Variants in STS observed in about 807,000 individuals in gnomAD.
STS encodes steryl-sulfatase.
STS carries 7 observed loss-of-function variants against 26.8 expected under a neutral mutation model. The observed-to-expected ratio is 0.26, with a 90% CI of 0.15 to 0.49. The LOEUF (loss-of-function observed/expected upper bound fraction) is 0.49. STS is among the 20% of genes least tolerant of loss of function. STS has a pLI of 0.98. For synonymous variants in STS, 199 were observed against 189.4 expected, an observed-to-expected ratio of 1.05 and a Z score of -0.42; for missense variants, 434 against 465.6, an observed-to-expected ratio of 0.93 and a Z score of 0.63.
chrX:7,195,460 G>A (rs1471570543), intron 2 of STS, among the ~76,000 whole-genome samples: 2 of 112,156 alleles, frequency 1.8e-5, no homozygotes, highest in Non-Finnish European at 3.8e-5. Flanking sequence ...GTGCAAGAGC[G>A]ACAAAGCCTG....
chrX:7,262,260 G>A (rs1356762750), intron 6 of STS, among the ~76,000 whole-genome samples: 1 of 112,115 alleles, frequency 8.9e-6, no homozygotes, highest in Non-Finnish European at 1.9e-5. Flanking sequence ...TTTGCTCCAT[G>A]AGGAGACTCA....
chrX:7,180,324 G>GC (rs1167929757), intron 1 of STS, among the ~76,000 whole-genome samples: 1 of 111,927 alleles, frequency 8.9e-6, no homozygotes, highest in Admixed American at 9.5e-5. Context: ...CTCAAAAGGA[G>GC]CACACAACCT....
chrX:7,333,055 C>T lies in STS; in HGVS notation c.1242-931C>T, dbSNP rs751961079. The stretch of plus-strand genomic sequence containing the variant: ...CAAGGGACATAGGACCTCTTAAGCA[C>T]ACTTACCAAAATTGTACAGCCACGC... On this transcript the variant is annotated intron_variant, in intron 9 of 10. Transcript: ENST00000674429. 2.3e-4 allele frequency among the ~76,000 whole-genome samples: 26 copies of T among 112,170 alleles called. No individual in the cohort carries two copies. The East Asian group carries it at 6.7e-3, about 29-fold the overall frequency.
At chrX:7,262,328 T>C in intron 6 of STS, among the ~76,000 whole-genome samples, 1 of 111,444 alleles carries the variant, frequency 9.0e-6, no homozygotes, top group South Asian at 3.8e-4. Flanking sequence ...GCCTTCCCAG[T>C]AGCGTCCACA....
chrX:7,164,191 A>G (rs1933303832), intron 1 of STS, among the ~76,000 whole-genome samples: 1 of 111,585 alleles, frequency 9.0e-6, no homozygotes, highest in Non-Finnish European at 1.9e-5. Context: ...GCTATTATAT[A>G]TGACATGAGA....
Position 7,350,406 on chromosome X carries a change from C to A in STS, c.*145C>A. On this transcript the variant is annotated 3_prime_UTR_variant, in exon 11 of 11. Transcript: ENST00000674429. ...CCATTTTATCACCTGAAGGCTTGGG[C>A]CAGAGCTCAACAGCTACTCAACTGG... is the stretch of plus-strand genomic sequence containing the variant. 1.2e-6 allele frequency: 1 copy of A among 846,911 alleles called. No individual in the cohort carries two copies. The highest frequency in any genetic ancestry group is 1.7e-6 in the Non-Finnish European group (1 of 603,946). The allele number at this position is 846,911 out of a possible 1,213,427, so 69.8% of individuals were successfully genotyped here.
chrX:7,284,355 A>G (rs372918161), intron 7 of STS, among the ~76,000 whole-genome samples: 1 of 111,702 alleles, frequency 9.0e-6, no homozygotes, highest in South Asian at 3.7e-4. Flanking sequence ...GCACAGACCC[A>G]TCTGTTAGCT....
intron 8 of STS, among the ~76,000 whole-genome samples, chrX:7,315,778 C>T (rs1351511197): frequency 9.0e-6 from 1 of 111,394 alleles, no homozygotes; most frequent in African/African-American, 3.3e-5. Context: ...AGTCCTTCCA[C>T]GTTCTTCTGC....
chrX:7,208,889 T>C (rs1920971084), intron 2 of STS, among the ~76,000 whole-genome samples: 1 of 111,616 alleles, frequency 9.0e-6, no homozygotes, highest in Non-Finnish European at 1.9e-5. Flanking sequence ...CTCTGGCTTC[T>C]AGAGGGCACC....
At chrX:7,319,088 C>T (rs1045993119) in intron 8 of STS, among the ~76,000 whole-genome samples, 1 of 111,758 alleles carries the variant, frequency 8.9e-6, no homozygotes, top group Non-Finnish European at 1.9e-5. Context: ...GGGAATAGAT[C>T]ACTGGCACTT....
rs1443999852 is a variant in STS, at chrX:7,253,338, T to G, written c.137+2T>G. The G allele has an allele frequency of 8.3e-7, 1 of 1,208,980 alleles. No individual in the cohort carries two copies. The highest frequency in any genetic ancestry group is 1.1e-6 in the Non-Finnish European group (1 of 894,916). On this transcript the variant is annotated splice_donor_variant, in intron 3 of 10. Coordinates refer to ENST00000674429, the MANE Select transcript of STS (RefSeq NM_001320752.2). LOFTEE classifies it high-confidence loss of function. ...GTGCTATGGGAACAAAACTATCAGGTTGGTAATGCAGCTCCTCAGTAAACA... is the reference window on the plus strand; with the variant it reads ...GTGCTATGGGAACAAAACTATCAGGGTGGTAATGCAGCTCCTCAGTAAACA...
At chrX:7,174,624 G>A (rs1488009003) in intron 1 of STS, among the ~76,000 whole-genome samples, 1 of 111,841 alleles carries the variant, frequency 8.9e-6, no homozygotes, top group Non-Finnish European at 1.9e-5. Flanking sequence ...GGGATTCCTT[G>A]TCAGATTGAT....
At chrX:7,230,044 A>AATTT (rs1307261935) in intron 2 of STS, among the ~76,000 whole-genome samples, 14 of 109,211 alleles carry the variant, frequency 1.3e-4, no homozygotes, top group South Asian at 7.9e-4. Flanking sequence ...ATGCCTGGCT[A>AATTT]ATTTATTTAT....
At chrX:7,331,179 C>T (rs780799347) in intron 9 of STS, among the ~76,000 whole-genome samples, 6 of 111,645 alleles carry the variant, frequency 5.4e-5, no homozygotes, top group Admixed American at 2.8e-4. Context: ...AGAGAGAGCA[C>T]AGCACATTCT....
intron 10 of STS, among the ~76,000 whole-genome samples, chrX:7,337,513 C>G (rs1234969729): frequency 8.9e-6 from 1 of 111,912 alleles, no homozygotes; most frequent in East Asian, 2.8e-4. Flanking sequence ...TAGGAGCTTG[C>G]CAATAATCAC....
At chrX:7,228,925 C>T (rs184326558) in intron 2 of STS, among the ~76,000 whole-genome samples, 43 of 112,336 alleles carry the variant, frequency 3.8e-4, no homozygotes, top group African/African-American at 1.4e-3. Flanking sequence ...TCTGATGTTA[C>T]ATCTATTTTG....
At chrX:7,225,927 C>A (rs964651667) in intron 2 of STS, among the ~76,000 whole-genome samples, 2 of 112,164 alleles carry the variant, frequency 1.8e-5, no homozygotes, top group African/African-American at 6.5e-5. Flanking sequence ...TTGGATGTAG[C>A]CCATGACTTC....
At chrX:7,320,029 T>C (rs1215645497) in intron 8 of STS, among the ~76,000 whole-genome samples, 4 of 94,486 alleles carry the variant, frequency 4.2e-5, no homozygotes, top group Non-Finnish European at 8.1e-5. Flanking sequence ...TATATTTATA[T>C]ATATATTTAT....
chrX:7,247,332 G>A (rs190443342), intron 2 of STS, among the ~76,000 whole-genome samples: 2 of 111,984 alleles, frequency 1.8e-5, no homozygotes, highest in African/African-American at 6.5e-5. Flanking sequence ...GAATTGAGTG[G>A]ATCAGGAGAG....
Sources: allele counts gnomAD v4.1 joint callset (sites outside exome capture counted in the v4.1 genomes callset), GRCh38; gene constraint gnomAD v4.1.1; transcripts MANE v1.5; gene names NCBI Gene and HGNC (gene_info 2026-07-23, HGNC 2026-07-21).